SPAST: variants seen among roughly 807,000 people sequenced by gnomAD.
The protein encoded by SPAST is spastic paraplegia 4 (autosomal dominant; spastin).
SPAST carries 30 observed loss-of-function variants against 76.6 expected under a neutral mutation model. The observed-to-expected ratio is 0.39, with a 90% confidence interval of 0.29 to 0.53. The LOEUF is 0.53. SPAST is among the 20% of genes least tolerant of loss of function. The pLI is 0.68. For synonymous variants in SPAST, 305 were observed against 281.0 expected (o/e 1.09, Z -0.86); for missense variants, 717 against 770.5 (o/e 0.93, Z 0.82).
At chr2:32,093,488 AAAAC>A (rs1287445740) in intron 3 of SPAST, among the ~76,000 whole-genome samples, 1 of 152,108 alleles carries the variant, frequency 6.6e-6, no homozygotes, top group African/African-American at 2.4e-5. Context: ...TCTCAAAACA[AAAAC>A]AAACAAACCA....
At chr2:32,109,425 G>A (rs1347285519) in intron 4 of SPAST, among the ~76,000 whole-genome samples, 1 of 151,982 alleles carries the variant, frequency 6.6e-6, no homozygotes, top group African/African-American at 2.4e-5. Flanking sequence ...TTTAAATACT[G>A]TAAGGCTTAT....
At chr2:32,134,820 C>G (rs1290410447) in intron 9 of SPAST, among the ~76,000 whole-genome samples, 2 of 152,066 alleles carry the variant, frequency 1.3e-5, no homozygotes, top group Non-Finnish European at 1.5e-5. Context: ...GTCAGCCTCC[C>G]GAGTAGCTGG....
At chr2:32,146,026 C>T (rs925511457) in intron 15 of SPAST, among the ~76,000 whole-genome samples, 4 of 152,090 alleles carry the variant, frequency 2.6e-5, no homozygotes, top group Non-Finnish European at 5.9e-5. Context: ...TAACACCTCC[C>T]GTAGTGAAAT....
intron 7 of SPAST, among the ~76,000 whole-genome samples, chr2:32,125,997 G>A (rs916721735): frequency 2.0e-5 from 3 of 151,972 alleles, no homozygotes; most frequent in Non-Finnish European, 2.9e-5. Context: ...GGGTTTCATC[G>A]TGTTAGCCAG....
Position 32,068,258 on chromosome 2 carries a change from G to A in SPAST, c.415+4012G>A, listed in dbSNP as rs534264951. 5.9e-5 allele frequency among the ~76,000 whole-genome samples: 9 copies of A among 151,822 alleles called. No homozygotes were observed. The East Asian group carries it at 9.7e-4, about 16-fold the overall frequency. ...CTCCCAAAGTGCTGGGATTACAGGC[G>A]TGAGCCACCGCGCCCGGCACATATT... On this transcript the variant is annotated intron_variant, in intron 1 of 16. Transcript: ENST00000315285.
chr2:32,105,009 G>A (rs919691872), intron 4 of SPAST, among the ~76,000 whole-genome samples: 1 of 152,116 alleles, frequency 6.6e-6, no homozygotes, highest in African/African-American at 2.4e-5. Flanking sequence ...GCCTTGCTAG[G>A]TTGGGGAACT....
At position 32,115,844 on chromosome 2, in the gene SPAST, T is replaced by C. The variant is rs773023105; in HGVS notation, c.1004+9T>C. 2.5e-6 allele frequency: 4 copies of C among 1,601,266 alleles called. No individual in the cohort carries two copies. The East Asian group carries it at 9.0e-5, about 36-fold the overall frequency. On this transcript the variant is annotated intron_variant, in intron 6 of 16. Coordinates refer to ENST00000315285, the MANE Select transcript of SPAST (RefSeq NM_014946.4). ...AATGAAATTGTGGACAAGTAAGTTTTGCCATCTAAATGTTTTATTTTATAG... is the reference window on the plus strand; with the variant it reads ...AATGAAATTGTGGACAAGTAAGTTTCGCCATCTAAATGTTTTATTTTATAG...
At chr2:32,090,972 C>T (rs1031474301) in intron 3 of SPAST, among the ~76,000 whole-genome samples, 1 of 151,984 alleles carries the variant, frequency 6.6e-6, no homozygotes, top group Non-Finnish European at 1.5e-5. Context: ...TACTTTAATT[C>T]TGTCATTCTT....
At chr2:32,091,878 G>T (rs1489447670) in intron 3 of SPAST, among the ~76,000 whole-genome samples, 3 of 151,708 alleles carry the variant, frequency 2.0e-5, no homozygotes, top group Non-Finnish European at 2.9e-5. Context: ...ATAATAAAGT[G>T]CTGGGATTAC....
intron 8 of SPAST, 140 bp downstream of exon 8, chr2:32,127,162 G>C: frequency 1.4e-6 from 1 of 701,996 alleles, no homozygotes; most frequent in Non-Finnish European, 2.5e-6. Context: ...TTGTTTGTTT[G>C]TTTTGTTTTG....
chr2:32,068,085 T>C (rs2148690026), intron 1 of SPAST, among the ~76,000 whole-genome samples: 1 of 151,184 alleles, frequency 6.6e-6, no homozygotes, highest in East Asian at 1.9e-4. Flanking sequence ...TTCACGCCAT[T>C]CTCCTGCCTC....
intron 4 of SPAST, among the ~76,000 whole-genome samples, chr2:32,110,104 G>GTTTTTTTTTTTTT: frequency 7.4e-6 from 1 of 135,494 alleles, no homozygotes; most frequent in African/African-American, 2.7e-5. Flanking sequence ...AGTTTTTTTT[G>GTTTTTTTTTTTTT]TTTTTTTTTT....
chr2:32,106,330 G>T (rs1216528526), intron 4 of SPAST, among the ~76,000 whole-genome samples: 1 of 152,164 alleles, frequency 6.6e-6, no homozygotes, highest in African/African-American at 2.4e-5. Flanking sequence ...ATTAGGGTGG[G>T]AGTCTCCCTA....
At chr2:32,069,841 G>T (rs937575263) in intron 1 of SPAST, among the ~76,000 whole-genome samples, 33 of 152,140 alleles carry the variant, frequency 2.2e-4, no homozygotes, top group African/African-American at 7.0e-4. Context: ...TTACAGGTGT[G>T]AGCCACTGCG....
At chr2:32,146,664 A>T (rs1374724894) in intron 15 of SPAST, among the ~76,000 whole-genome samples, 1 of 152,096 alleles carries the variant, frequency 6.6e-6, no homozygotes, top group Non-Finnish European at 1.5e-5. Flanking sequence ...CAGGAGTTCG[A>T]GACCAGCTTG....
chr2:32,098,063 C>G lies in SPAST; in HGVS notation c.587-733C>G, dbSNP rs552176786. On this transcript the variant is annotated intron_variant, in intron 3 of 16. Coordinates refer to ENST00000315285, the MANE Select transcript of SPAST (RefSeq NM_014946.4). ...GCCCACTTGCTCTGTAAAGCTTTTTCAGTGATCTTTCTTTTGTACCATGCA... is the reference window on the plus strand; with the variant it reads ...GCCCACTTGCTCTGTAAAGCTTTTTGAGTGATCTTTCTTTTGTACCATGCA... 2.0e-4 allele frequency among the ~76,000 whole-genome samples: 31 copies of G among 152,196 alleles called. 1 individual carries two copies. The South Asian group carries it at 3.5e-3, about 17-fold the overall frequency.
intron 16 of SPAST, among the ~76,000 whole-genome samples, chr2:32,150,951 CT>C (rs113065520): frequency 4.2e-5 from 6 of 143,372 alleles, no homozygotes; most frequent in Non-Finnish European, 3.0e-5. Flanking sequence ...CTACTGTATA[CT>C]TTTTTTTTTG....
intron 9 of SPAST, chr2:32,130,637 C>G (rs1340888480): frequency 6.7e-6 from 1 of 150,234 alleles, no homozygotes; most frequent in Admixed American, 6.7e-5. Context: ...GAGAATTGCT[C>G]GAACCCAGGA....
At chr2:32,132,999 T>C (rs1241298119) in intron 9 of SPAST, among the ~76,000 whole-genome samples, 7 of 151,944 alleles carry the variant, frequency 4.6e-5, no homozygotes, top group African/African-American at 1.7e-4. Flanking sequence ...TGAGCCGAGA[T>C]TGCGCCATTC....
Sources: allele counts gnomAD v4.1 joint callset (sites outside exome capture counted in the v4.1 genomes callset), GRCh38; gene constraint gnomAD v4.1.1; transcripts MANE v1.5; gene names NCBI Gene and HGNC (gene_info 2026-07-23, HGNC 2026-07-21).